NCAM2: variants seen among roughly 807,000 people sequenced by gnomAD.
NCAM2 encodes the protein neural cell adhesion molecule 2.
In NCAM2, 30 loss-of-function variants were observed where a neutral mutation model predicts 98.1. The observed-to-expected ratio is 0.31, with a 90% CI of 0.23 to 0.41. The LOEUF (loss-of-function observed/expected upper bound fraction) is 0.41, where lower values mean the gene tolerates loss of function less well. NCAM2 is among the 10% of genes least tolerant of loss of function. The pLI is 1.00. For missense variants in NCAM2, 867 were observed against 1,005.8 expected (o/e 0.86, Z 1.87); for synonymous variants, 368 against 342.4 (o/e 1.07, Z -0.83).
chr21:21,411,149 C>CACATATATATGTGTAT (rs1569033847), intron 10 of NCAM2, among the ~76,000 whole-genome samples: 28 of 71,352 alleles, frequency 3.9e-4, no homozygotes, highest in Non-Finnish European at 7.2e-4. Context: ...TATATATATA[C>CACATATATATGTGTAT]ATATATATAT....
intron 9 of NCAM2, among the ~76,000 whole-genome samples, chr21:21,407,689 C>T (rs1229728344): frequency 6.6e-6 from 1 of 151,818 alleles, no homozygotes; most frequent in East Asian, 1.9e-4. Context: ...TTTTACATAC[C>T]TTAACAGTTG....
chr21:21,366,368 T>G (rs988149977), intron 8 of NCAM2, among the ~76,000 whole-genome samples: 1 of 152,094 alleles, frequency 6.6e-6, no homozygotes, highest in Non-Finnish European at 1.5e-5. Flanking sequence ...GCTTAGGCAC[T>G]GGGTACTAAT....
chr21:21,511,141 T>C (rs932076038), intron 16 of NCAM2, among the ~76,000 whole-genome samples: 5 of 152,044 alleles, frequency 3.3e-5, no homozygotes, highest in African/African-American at 1.2e-4. Flanking sequence ...TCTCCTCCTT[T>C]AGTTATTTGT....
In NCAM2 at chr21:21,543,006, G is replaced by GT. The variant is rs1013784931; in HGVS notation, c.*5056dup. The GT allele has an allele frequency of 1.2e-5, 1 of 82,896 alleles. No homozygotes were observed. Among genetic ancestry groups the GT allele is most frequent in the East Asian group, 2.4e-4 (1 of 4,118 alleles). The allele number at this position is 82,896 out of a possible 1,614,324, so 5.1% of individuals were successfully genotyped here. ...GAAATATGTGAAGTTAGAAATAAAG[G>GT]TTTTTTTAAAAAAAAAGCTTTTTTG... is the stretch of plus-strand genomic sequence containing the variant. On this transcript the variant is annotated 3_prime_UTR_variant, in exon 18 of 18. Transcript: ENST00000400546.
Position 21,102,599 on chromosome 21 carries a change from C to T in NCAM2, c.55+103981C>T, listed in dbSNP as rs75894583. On this transcript the variant is annotated intron_variant, in intron 1 of 17. Transcript: ENST00000400546. ...GAACACTTTTCACTAGTTAACTATG[C>T]GTAAAGCTCTGTGATAAGTTTTGAG... is the stretch of plus-strand genomic sequence containing the variant. Among the ~76,000 whole-genome samples the T allele has an allele frequency of 3.4e-3, 512 of 151,842 alleles. 4 individuals carry two copies. Among genetic ancestry groups the T allele is most frequent in the East Asian group, 0.033 (172 of 5,152 alleles).
chr21:21,392,670 G>T (rs2076406058), intron 9 of NCAM2, among the ~76,000 whole-genome samples: 1 of 152,166 alleles, frequency 6.6e-6, no homozygotes, highest in Admixed American at 6.5e-5. Context: ...GTATCTCATT[G>T]TGGTTTCGAT....
chr21:21,104,912 G>C (rs775626392), intron 1 of NCAM2, among the ~76,000 whole-genome samples: 2 of 152,020 alleles, frequency 1.3e-5, no homozygotes, highest in Non-Finnish European at 2.9e-5. Context: ...AAATCATGTT[G>C]GGAGCAGCCC....
chr21:21,434,111 A>ATCTG, intron 12 of NCAM2, among the ~76,000 whole-genome samples: 1 of 152,358 alleles, frequency 6.6e-6, no homozygotes, highest in South Asian at 2.1e-4. Context: ...TTACCTGTCC[A>ATCTG]TCTGTCAGAG....
At chr21:21,410,592 A>G (rs2076837044) in intron 10 of NCAM2, 131 bp downstream of exon 10, 2 of 484,108 alleles carry the variant, frequency 4.1e-6, no homozygotes, top group Non-Finnish European at 6.6e-6. Flanking sequence ...TATATATTTT[A>G]CAGTTATTTA....
At chr21:21,391,675 A>G (rs1328677386) in intron 9 of NCAM2, among the ~76,000 whole-genome samples, 1 of 152,184 alleles carries the variant, frequency 6.6e-6, no homozygotes, top group East Asian at 1.9e-4. Context: ...TATTGTGGAC[A>G]TGAAAAATTT....
intron 5 of NCAM2, among the ~76,000 whole-genome samples, chr21:21,295,894 G>A (rs2073460972): frequency 6.6e-6 from 1 of 151,490 alleles, no homozygotes; most frequent in Admixed American, 6.6e-5. Context: ...TCTGACCTAG[G>A]TGTACTTTTG....
At chr21:21,416,588 A>G (rs1268078833) in intron 10 of NCAM2, among the ~76,000 whole-genome samples, 1 of 152,170 alleles carries the variant, frequency 6.6e-6, no homozygotes, top group East Asian at 1.9e-4. Flanking sequence ...TTAAATATGA[A>G]GAAATAGTTT....
chr21:21,493,241 C>G (rs569932252), intron 15 of NCAM2, among the ~76,000 whole-genome samples: 1 of 151,780 alleles, frequency 6.6e-6, no homozygotes, highest in Admixed American at 6.6e-5. Flanking sequence ...ATGTGTTACT[C>G]CTCACTTAAT....
chr21:21,066,122 A>G (rs945600769), intron 1 of NCAM2, among the ~76,000 whole-genome samples: 5 of 152,146 alleles, frequency 3.3e-5, no homozygotes, highest in African/African-American at 1.2e-4. Flanking sequence ...TGTAATTTGG[A>G]TATTTCTCTG....
In NCAM2 at chr21:21,411,016, AT is replaced by A. The variant is rs200158502; in HGVS notation, c.1383+556del. The stretch of plus-strand genomic sequence containing the variant: ...GCGAGACTCCGTCTTAAAAAAAAAA[AT>A]ATATATATATATATACACACATATA... On this transcript the variant is annotated intron_variant, in intron 10 of 17. Coordinates refer to ENST00000400546, the MANE Select transcript of NCAM2 (RefSeq NM_004540.5). Among the ~76,000 whole-genome samples the A allele has an allele frequency of 8.9e-4, 56 of 63,024 alleles. No individual in the cohort carries two copies. In the South Asian group the frequency reaches 0.011, roughly 13 times the overall value. The allele number at this position is 63,024 out of a possible 152,430, so 41.3% of individuals were successfully genotyped here.
intron 14 of NCAM2, among the ~76,000 whole-genome samples, chr21:21,473,292 G>A (rs1984692735): frequency 8.4e-6 from 1 of 118,372 alleles, no homozygotes; most frequent in Non-Finnish European, 1.9e-5. Context: ...TCTGTATATG[G>A]TCTATCTGTA....
chr21:21,142,606 C>G (rs1284417610), intron 1 of NCAM2, among the ~76,000 whole-genome samples: 1 of 152,008 alleles, frequency 6.6e-6, no homozygotes, highest in African/African-American at 2.4e-5. Flanking sequence ...GTCTTGATCT[C>G]CTGACCTCGT....
At chr21:21,108,578 G>A (rs2066395381) in intron 1 of NCAM2, among the ~76,000 whole-genome samples, 1 of 152,056 alleles carries the variant, frequency 6.6e-6, no homozygotes, top group African/African-American at 2.4e-5. Context: ...CAAATTGTAA[G>A]GGCAGGCTAT....
rs191744060 is a variant in NCAM2 at position 21,330,991 on chromosome 21, T to C, written c.738-4514T>C. 1.1e-3 allele frequency among the ~76,000 whole-genome samples: 171 copies of C among 152,270 alleles called. 3 individuals carry two copies. The highest frequency in any genetic ancestry group is 0.011 in the Admixed American group (167 of 15,300). On this transcript the variant is annotated intron_variant, in intron 6 of 17. Coordinates refer to ENST00000400546, the MANE Select transcript of NCAM2 (RefSeq NM_004540.5). Reference sequence around the variant, plus strand: ...TTCTTCTCTGAGAGTTTCAAGGAGATGTTTTGTATGTCCTCCATGCCTCTC... The same window carrying C: ...TTCTTCTCTGAGAGTTTCAAGGAGACGTTTTGTATGTCCTCCATGCCTCTC...
Sources: gnomAD v4.1 joint callset for allele counts (sites outside exome capture counted in the v4.1 genomes callset) on GRCh38, gnomAD v4.1.1 for gene constraint, MANE v1.5 for transcripts, NCBI Gene and HGNC (gene_info 2026-07-23, HGNC 2026-07-21) for gene names.